LRRC8D: variants seen among roughly 807,000 people sequenced by gnomAD.
The protein encoded by LRRC8D is volume-regulated anion channel subunit LRRC8D.
LRRC8D carries 20 observed loss-of-function variants against 55.8 expected under a neutral mutation model. The ratio of observed to expected loss-of-function variants is 0.36; its 90% confidence interval spans 0.25 to 0.52. The LOEUF (loss-of-function observed/expected upper bound fraction) is 0.52, where lower values mean the gene tolerates loss of function less well. Among genes scored for constraint, LRRC8D ranks in the 20% least tolerant of loss-of-function variants. The pLI is 0.93. For synonymous variants in LRRC8D, 352 were observed against 377.0 expected (o/e 0.93, Z 0.77); for missense variants, 651 against 1,030.8 (o/e 0.63, Z 5.05).
rs1660621755 is a variant in LRRC8D, at chr1:89,821,256, A to T, written c.-183A>T. The T allele has an allele frequency of 6.6e-6, 1 of 152,086 alleles. No homozygotes were observed. 9.4% of individuals were successfully genotyped at this position (152,086 alleles called of 1,614,324 possible). ...TGATGCCGCCACCTCCGGCCTCAGCATAAGCCGTGGCTTGGCGGCCGAGCT... is the reference window on the plus strand; with the variant it reads ...TGATGCCGCCACCTCCGGCCTCAGCTTAAGCCGTGGCTTGGCGGCCGAGCT... On this transcript the variant is annotated 5_prime_UTR_variant, in exon 1 of 3. Coordinates refer to ENST00000337338, the MANE Select transcript of LRRC8D (RefSeq NM_001134479.2).
chr1:89,862,126 A>G (rs1487553042), intron 2 of LRRC8D, among the ~76,000 whole-genome samples: 4 of 152,228 alleles, frequency 2.6e-5, no homozygotes, highest in Admixed American at 2.0e-4. Flanking sequence ...TGTTAAAGCT[A>G]GAAGGAGGCT....
At chr1:89,832,833 G>C (rs1385314893) in intron 1 of LRRC8D, among the ~76,000 whole-genome samples, 1 of 152,232 alleles carries the variant, frequency 6.6e-6, no homozygotes, top group African/African-American at 2.4e-5. Context: ...TCCAGTCCTA[G>C]TGACGAATCT....
At chr1:89,832,422 C>T (rs1038192424) in intron 1 of LRRC8D, among the ~76,000 whole-genome samples, 9 of 152,210 alleles carry the variant, frequency 5.9e-5, no homozygotes, top group African/African-American at 2.2e-4. Flanking sequence ...CTGGGGCTAT[C>T]ATCCCTGTGT....
Position 89,902,863 on chromosome 1 carries a change from T to C in LRRC8D, c.-2-30204T>C, listed in dbSNP as rs115231069. 1.1e-3 allele frequency among the ~76,000 whole-genome samples: 165 copies of C among 152,342 alleles called. 1 individual carries two copies. Among genetic ancestry groups the C allele is most frequent in the African/African-American group, 3.7e-3 (154 of 41,588 alleles). Reference sequence around the variant, plus strand: ...TTCTAATGGGTTCAGTCTGGTTGCCTAGGGGGAACATTTGGCTTTTGCATA... The same window carrying C: ...TTCTAATGGGTTCAGTCTGGTTGCCCAGGGGGAACATTTGGCTTTTGCATA... On this transcript the variant is annotated intron_variant, in intron 2 of 2. Coordinates refer to ENST00000337338, the MANE Select transcript of LRRC8D (RefSeq NM_001134479.2).
At chr1:89,849,707 G>A (rs1661364565) in intron 2 of LRRC8D, among the ~76,000 whole-genome samples, 1 of 151,682 alleles carries the variant, frequency 6.6e-6, no homozygotes, top group Non-Finnish European at 1.5e-5. Flanking sequence ...ATTTTCTGTT[G>A]GGTCTCTTGC....
At position 89,935,275 on chromosome 1, in the gene LRRC8D, T is replaced by C; in HGVS notation, c.2207T>C (p.Val736Ala). The change falls in exon 3 of 3, where the codon GTG becomes GCG. Residue 736 changes from valine to alanine, a missense_variant. Coordinates refer to ENST00000337338, the MANE Select transcript of LRRC8D (RefSeq NM_001134479.2). ...FSLQKLRCLD[V>A]SYNNISMIPI... ...TTACAGAAACTCAGATGCTTAGATG[T>C]GAGCTACAACAACATTTCAATGATT... is the stretch of plus-strand genomic sequence containing the variant. 6.2e-7 allele frequency: 1 copy of C among 1,614,198 alleles called. No homozygotes were observed. The highest frequency in any genetic ancestry group is 2.2e-5 in the East Asian group (1 of 44,890).
intron 2 of LRRC8D, among the ~76,000 whole-genome samples, chr1:89,867,152 A>C (rs565535352): frequency 6.6e-6 from 1 of 152,162 alleles, no homozygotes; most frequent in Non-Finnish European, 1.5e-5. Flanking sequence ...CTCTGTCCCC[A>C]GTTAACATCA....
At chr1:89,885,521 A>C (rs1662397394) in intron 2 of LRRC8D, among the ~76,000 whole-genome samples, 1 of 152,240 alleles carries the variant, frequency 6.6e-6, no homozygotes, top group African/African-American at 2.4e-5. Flanking sequence ...AATGGTGTGA[A>C]TACATCCTAG....
intron 1 of LRRC8D, among the ~76,000 whole-genome samples, chr1:89,823,752 A>G (rs1358796577): frequency 1.3e-5 from 2 of 152,224 alleles, no homozygotes; most frequent in African/African-American, 4.8e-5. Context: ...CACAGAGAGC[A>G]GATAAGACAG....
At chr1:89,843,502 G>C (rs1275110324) in intron 1 of LRRC8D, 136 bp from the exon 2 acceptor site, 1 of 537,634 alleles carries the variant, frequency 1.9e-6, no homozygotes, top group Non-Finnish European at 3.4e-6. Flanking sequence ...GGCCAGGGGA[G>C]CGCTGGGTGC....
At chr1:89,849,385 A>G (rs1661355818) in intron 2 of LRRC8D, among the ~76,000 whole-genome samples, 2 of 152,182 alleles carry the variant, frequency 1.3e-5, no homozygotes, top group African/African-American at 4.8e-5. Flanking sequence ...ACCACAAACA[A>G]TATTGCTGGA....
chr1:89,904,369 G>GC (rs1234799991), intron 2 of LRRC8D, among the ~76,000 whole-genome samples: 2 of 152,300 alleles, frequency 1.3e-5, no homozygotes, highest in African/African-American at 4.8e-5. Context: ...ATGTGAAACT[G>GC]TTTTTAGAGA....
In LRRC8D at chr1:89,935,513, C is replaced by G; in HGVS notation, c.2445C>G (p.Ala815=). Residue 815 remains alanine (A), a synonymous_variant, in exon 3 of 3, where the codon GCC becomes GCG. Coordinates refer to ENST00000337338, the MANE Select transcript of LRRC8D (RefSeq NM_001134479.2). ...LKGNCLDRLP[A]QLGQCRMLKK... ...GGAACTGCTTGGACCGCCTGCCAGCCCAGCTGGGCCAGTGTCGGATGCTCA... is the reference window on the plus strand; with the variant it reads ...GGAACTGCTTGGACCGCCTGCCAGCGCAGCTGGGCCAGTGTCGGATGCTCA... 4 of 1,614,234 alleles carry G rather than the reference C, an allele frequency of 2.5e-6. No homozygotes were observed. In the South Asian group the frequency reaches 4.4e-5, roughly 18 times the overall value.
intron 2 of LRRC8D, among the ~76,000 whole-genome samples, chr1:89,867,440 T>C (rs941519132): frequency 3.9e-5 from 6 of 152,234 alleles, no homozygotes; most frequent in African/African-American, 1.4e-4. Context: ...TCACATTGTT[T>C]TGAAACAGAT....
At chr1:89,926,257 T>C (rs762102165) in intron 2 of LRRC8D, among the ~76,000 whole-genome samples, 4 of 152,244 alleles carry the variant, frequency 2.6e-5, no homozygotes, top group Non-Finnish European at 4.4e-5. Context: ...TACTATTAGG[T>C]TGGTGCAACT....
In LRRC8D at chr1:89,933,513, A is replaced by G. The variant is rs1479785080; in HGVS notation, c.445A>G (p.Ile149Val). 1 of 1,614,188 alleles carries G rather than the reference A, an allele frequency of 6.2e-7. No individual in the cohort carries two copies. Among genetic ancestry groups the G allele is most frequent in the African/African-American group, 1.3e-5 (1 of 75,068 alleles). The change falls in exon 3 of 3, where the codon ATT (isoleucine) becomes GTT (valine). Residue 149 changes from isoleucine to valine, a missense_variant. Coordinates refer to ENST00000337338, the MANE Select transcript of LRRC8D (RefSeq NM_001134479.2). This position sits in a 1 kb window ranked among gnomAD's most constrained non-coding sequence, Gnocchi z 7.0. ...CTTGGATTTTCAGCAATATGTATTTATTAATCAAATGTGTTACCATCTGGC... is the reference window on the plus strand; with the variant it reads ...CTTGGATTTTCAGCAATATGTATTTGTTAATCAAATGTGTTACCATCTGGC... Reference protein sequence around the residue: ...TNLDFQQYVFINQMCYHLALP... With the variant: ...TNLDFQQYVFVNQMCYHLALP...
chr1:89,883,584 C>T (rs1452143725), intron 2 of LRRC8D, among the ~76,000 whole-genome samples: 7 of 152,178 alleles, frequency 4.6e-5, no homozygotes, highest in African/African-American at 1.2e-4. Flanking sequence ...CTGGAGGAGC[C>T]GGCCTAGGCT....
At chr1:89,850,914 G>A (rs1041087079) in intron 2 of LRRC8D, among the ~76,000 whole-genome samples, 1 of 152,066 alleles carries the variant, frequency 6.6e-6, no homozygotes, top group African/African-American at 2.4e-5. Flanking sequence ...ATTTGTATGT[G>A]TTAACTTTTT....
At chr1:89,875,666 CTG>C (rs1662129084) in intron 2 of LRRC8D, among the ~76,000 whole-genome samples, 1 of 152,168 alleles carries the variant, frequency 6.6e-6, no homozygotes, top group Non-Finnish European at 1.5e-5. Flanking sequence ...TCATCTGACA[CTG>C]TACCCAACAC....
Sources: gnomAD v4.1 joint callset for allele counts (sites outside exome capture counted in the v4.1 genomes callset) on GRCh38, gnomAD v4.1.1 for gene constraint, Gnocchi (gnomAD v3.1) non-coding constraint, MANE v1.5 for transcripts, NCBI Gene and HGNC (gene_info 2026-07-23, HGNC 2026-07-21) for gene names.